Variants in PARN observed in about 807,000 individuals in gnomAD.
PARN encodes the protein poly(A)-specific ribonuclease, also known as poly(A)-specific ribonuclease PARN.
PARN carries 71 observed loss-of-function variants against 102.8 expected under a neutral mutation model. The observed-to-expected ratio is 0.69, with a 90% confidence interval of 0.57 to 0.84. PARN has a LOEUF of 0.84. PARN is among the 40% of genes least tolerant of loss of function. The probability of loss-of-function intolerance (pLI) is 0.00; values close to 1 mark genes in which losing one functional copy is unlikely to be tolerated. For missense variants in PARN, 782 were observed against 760.9 expected (o/e 1.03, Z -0.33); for synonymous variants, 261 against 252.9 (o/e 1.03, Z -0.30).
At chr16:14,465,758 G>A (rs1179264269) in intron 22 of PARN, among the ~76,000 whole-genome samples, 2 of 152,132 alleles carry the variant, frequency 1.3e-5, no homozygotes, top group Non-Finnish European at 2.9e-5. Context: ...GGCTGAGGGT[G>A]GGGAAAGGAA....
intron 22 of PARN, among the ~76,000 whole-genome samples, chr16:14,459,320 G>C (rs951190934): frequency 5.9e-5 from 9 of 152,194 alleles, no homozygotes; most frequent in African/African-American, 1.4e-4. Context: ...AGTAAGTAAG[G>C]TTGGTTTAAG....
chr16:14,492,904 C>T (rs1394054155), intron 21 of PARN, among the ~76,000 whole-genome samples: 1 of 152,118 alleles, frequency 6.6e-6, no homozygotes, highest in Non-Finnish European at 1.5e-5. Flanking sequence ...TTTCCTTATC[C>T]ATAAAACAGA....
chr16:14,452,964 G>C (rs552712919), intron 22 of PARN, among the ~76,000 whole-genome samples: 1 of 152,174 alleles, frequency 6.6e-6, no homozygotes, highest in East Asian at 1.9e-4. Context: ...TGCTGTGCAT[G>C]TGTGTGTATG....
chr16:14,496,691 C>T (rs1964334942), intron 21 of PARN, among the ~76,000 whole-genome samples: 1 of 152,160 alleles, frequency 6.6e-6, no homozygotes, highest in Non-Finnish European at 1.5e-5. Flanking sequence ...GAATAAATTC[C>T]ACTCCAGGGA....
At chr16:14,599,246 T>C (rs1300146881) in intron 12 of PARN, among the ~76,000 whole-genome samples, 1 of 152,082 alleles carries the variant, frequency 6.6e-6, no homozygotes, top group Non-Finnish European at 1.5e-5. Flanking sequence ...TTTCCCCATA[T>C]TTCCCAGGCT....
chr16:14,501,445 A>C (rs1964598667), intron 21 of PARN: 1 of 125,106 alleles, frequency 8.0e-6, no homozygotes, highest in Non-Finnish European at 1.6e-5. Flanking sequence ...CAAAAAAAAA[A>C]AAAAAAAAAA....
Position 14,610,669 on chromosome 16 carries a change from G to C in PARN, c.529C>G (p.Gln177Glu). ...ACCACTTGGTCAATAAACTTCTTTT[G>C]ATCCTCAGGAATCGTGACAGGACAT... ...SKCPVTIPED[Q>E]KKFIDQVVEK... is the part of the protein sequence containing the mutation. Residue 177 changes from glutamine (Q) to glutamate (E), a missense_variant, in exon 7 of 24, where the codon CAA becomes GAA. By Grantham distance (29) the Gln-to-Glu change is conservative (BLOSUM62 2). Coordinates refer to ENST00000437198, the MANE Select transcript of PARN (RefSeq NM_002582.4). The C allele has an allele frequency of 6.2e-7, 1 of 1,610,056 alleles. No homozygotes were observed. The highest frequency in any genetic ancestry group is 8.5e-7 in the Non-Finnish European group (1 of 1,176,498).
At chr16:14,570,426 C>T (rs139333740) in intron 18 of PARN, among the ~76,000 whole-genome samples, 2,260 of 146,572 alleles carry the variant, frequency 0.015, 65 homozygotes, top group African/African-American at 0.055. Context: ...ACCGAGGCGG[C>T]GGATCATGAG....
At chr16:14,551,506 T>C (rs898286165) in intron 21 of PARN, among the ~76,000 whole-genome samples, 9 of 151,518 alleles carry the variant, frequency 5.9e-5, no homozygotes, top group Non-Finnish European at 1.2e-4. Context: ...GAACCAGAGG[T>C]TGCAGTGAGC....
intron 23 of PARN, among the ~76,000 whole-genome samples, chr16:14,442,856 C>T (rs1961006938): frequency 6.6e-6 from 1 of 152,254 alleles, no homozygotes; most frequent in Admixed American, 6.5e-5. Context: ...GGTGGACTAA[C>T]AGGCGTGAGC....
chr16:14,509,560 T>C (rs1965076724), intron 21 of PARN, among the ~76,000 whole-genome samples: 1 of 152,120 alleles, frequency 6.6e-6, no homozygotes, highest in Non-Finnish European at 1.5e-5. Context: ...CTAAACCCCA[T>C]CCATCACATA....
At chr16:14,441,668 G>A (rs368487282) in intron 23 of PARN, among the ~76,000 whole-genome samples, 14 of 152,214 alleles carry the variant, frequency 9.2e-5, no homozygotes, top group East Asian at 5.8e-4. Flanking sequence ...CGCACTGAGT[G>A]CCCTGCCTCT....
intron 19 of PARN, 148 bp downstream of exon 19, chr16:14,555,506 A>T (rs1415370070): frequency 1.2e-5 from 5 of 430,648 alleles, no homozygotes; most frequent in Non-Finnish European, 2.1e-5. Context: ...GAGTCCCATT[A>T]ACTTAAGCAT....
chr16:14,629,558 A>C (rs781714429), intron 2 of PARN, 39 bp downstream of exon 2: 21 of 1,437,494 alleles, frequency 1.5e-5, no homozygotes, highest in Non-Finnish European at 2.0e-5. Context: ...TTGGCTATGC[A>C]CTGCAAAGTG....
chr16:14,593,218 G>A, intron 13 of PARN, 83 bp downstream of exon 13: 1 of 775,062 alleles, frequency 1.3e-6, no homozygotes, highest in Non-Finnish European at 2.2e-6. Flanking sequence ...GTAGAGGACA[G>A]TTCAGTTAAA....
chr16:14,594,193 T>C (rs1970370122), intron 12 of PARN, among the ~76,000 whole-genome samples: 1 of 152,170 alleles, frequency 6.6e-6, no homozygotes, highest in Non-Finnish European at 1.5e-5. Context: ...TCCTATATCA[T>C]TATGTCAAAA....
At chr16:14,555,851 T>C in intron 18 of PARN, 142 bp from the exon 19 acceptor site, 2 of 478,298 alleles carry the variant, frequency 4.2e-6, no homozygotes, top group Non-Finnish European at 7.4e-6. Context: ...TATCACTCTA[T>C]TTGTAAAATT....
chr16:14,452,455 C>T (rs1961506647), intron 22 of PARN, among the ~76,000 whole-genome samples: 1 of 152,196 alleles, frequency 6.6e-6, no homozygotes, highest in African/African-American at 2.4e-5. Flanking sequence ...ACACTGTAAC[C>T]TCCATCTCCA....
chr16:14,608,183 C>T (rs1012791127), intron 9 of PARN, 98 bp downstream of exon 9: 11 of 856,786 alleles, frequency 1.3e-5, no homozygotes, highest in African/African-American at 3.5e-5. Flanking sequence ...CACTGAGAAC[C>T]GCAGAATTTC....
Sources: allele counts gnomAD v4.1 joint callset (sites outside exome capture counted in the v4.1 genomes callset), GRCh38; gene constraint gnomAD v4.1.1; transcripts MANE v1.5; gene names NCBI Gene and HGNC (gene_info 2026-07-23, HGNC 2026-07-21).